The following DRICH1 variants were observed in gnomAD, a reference collection of about 807,000 sequenced individuals.
The protein encoded by DRICH1 is aspartate-rich protein 1.
In DRICH1, 38 loss-of-function variants were observed where a neutral mutation model predicts 39.5. The observed-to-expected ratio is 0.96, with a 90% CI of 0.74 to 1.26. The LOEUF (loss-of-function observed/expected upper bound fraction) is 1.26. Ranked by LOEUF, DRICH1 falls within the 50% of genes most tolerant of loss-of-function variation. The pLI, the probability that DRICH1 is intolerant of heterozygous loss-of-function variation, is 0.00. For missense variants in DRICH1, 279 were observed against 270.4 expected (o/e 1.03, Z -0.22); for synonymous variants, 84 against 99.5 (o/e 0.84, Z 0.93).
Position 23,632,076 on chromosome 22 carries a change from CTG to C in DRICH1, c.-55_-54del. On this transcript the variant is annotated 5_prime_UTR_variant, in exon 1 of 12. Coordinates refer to ENST00000317749, the MANE Select transcript of DRICH1 (RefSeq NM_016449.4). ...GCCTCAGCCTTCAGCGAAATTGTAACTGTGCTGCCCTAGCAGCCACACTACTG... is the reference window on the plus strand; with the variant it reads ...GCCTCAGCCTTCAGCGAAATTGTAACTGCTGCCCTAGCAGCCACACTACTG... The C allele has an allele frequency of 6.2e-7, 1 of 1,607,388 alleles. No individual in the cohort carries two copies. The highest frequency in any genetic ancestry group is 8.5e-7 in the Non-Finnish European group (1 of 1,177,234).
At chr22:23,601,146 G>GCGCACACACACA in the DRICH1 span, among the ~76,000 whole-genome samples, 1,109 of 146,192 alleles carry the variant, frequency 7.6e-3, 18 homozygotes, top group African/African-American at 0.026. Context: ...ACGCACGCGC[G>GCGCACACACACA]CACACACACA....
chr22:23,587,543 A>C, the DRICH1 span, among the ~76,000 whole-genome samples: 1 of 152,188 alleles, frequency 6.6e-6, no homozygotes, highest in Non-Finnish European at 1.5e-5. Context: ...CCTGGGGCAC[A>C]GAGAAGGGAG....
intron 1 of DRICH1, among the ~76,000 whole-genome samples, chr22:23,629,982 A>G (rs138277522): frequency 3.9e-5 from 6 of 152,216 alleles, no homozygotes; most frequent in Non-Finnish European, 8.8e-5. Context: ...TATCTTCCTG[A>G]TCCTTCCCTG....
chr22:23,610,299 A>G (rs1926964421), intron 11 of DRICH1: 2 of 152,236 alleles, frequency 1.3e-5, no homozygotes, highest in Admixed American at 6.5e-5. Context: ...GTGCTCTTTA[A>G]GAAACTGATA....
At chr22:23,622,022 G>A (rs1202415967) in intron 4 of DRICH1, 69 bp downstream of exon 4, 1 of 1,464,144 alleles carries the variant, frequency 6.8e-7, no homozygotes, top group African/African-American at 1.4e-5. Context: ...TTTGGGATTG[G>A]ACTGGTGAGT....
At chr22:23,592,654 G>A in the DRICH1 span, among the ~76,000 whole-genome samples, 1 of 152,116 alleles carries the variant, frequency 6.6e-6, no homozygotes, top group Non-Finnish European at 1.5e-5. Context: ...CTGATATTGG[G>A]CACCTCTGGG....
At chr22:23,582,750 G>A in the DRICH1 span, among the ~76,000 whole-genome samples, 6 of 151,878 alleles carry the variant, frequency 4.0e-5, no homozygotes, top group South Asian at 8.3e-4. Flanking sequence ...TAGTAGAGAC[G>A]GGGTTTCACC....
At chr22:23,586,681 T>C in the DRICH1 span, among the ~76,000 whole-genome samples, 17 of 152,238 alleles carry the variant, frequency 1.1e-4, no homozygotes, top group South Asian at 3.5e-3. Flanking sequence ...GTAGCTGGGA[T>C]TACAGGCACA....
At chr22:23,583,853 CT>C in the DRICH1 span, 1 of 152,488 alleles carries the variant, frequency 6.6e-6, no homozygotes, top group Non-Finnish European at 1.5e-5. Flanking sequence ...TGGGCTGAAG[CT>C]GCTCCCTCCC....
the DRICH1 span, among the ~76,000 whole-genome samples, chr22:23,592,924 C>T: frequency 4.6e-5 from 7 of 151,116 alleles, no homozygotes; most frequent in African/African-American, 1.2e-4. Context: ...CCCAGCTACT[C>T]GGGAGGCTGA....
chr22:23,589,844 G>A, the DRICH1 span, among the ~76,000 whole-genome samples: 1 of 152,082 alleles, frequency 6.6e-6, no homozygotes, highest in Non-Finnish European at 1.5e-5. Context: ...GGCCATTCAC[G>A]CTCCTGCCTG....
intron 4 of DRICH1, among the ~76,000 whole-genome samples, chr22:23,621,406 C>T (rs148507769): frequency 0.011 from 1,742 of 151,680 alleles, 45 homozygotes; most frequent in African/African-American, 0.04. Flanking sequence ...CAACAAAATG[C>T]AGTAAGACAA....
rs151175949 is a variant in DRICH1 at position 23,614,833 on chromosome 22, C to T, written c.542-619G>A. The stretch of plus-strand genomic sequence containing the variant: ...TTTGGACAGCAGCTCCTGTGTCACT[C>T]TCCCTGAGGAGATTCCCTAAAAATC... On this transcript the variant is annotated intron_variant, in intron 8 of 11. Transcript: ENST00000317749. Among the ~76,000 whole-genome samples, 698 of 152,326 alleles carry T rather than the reference C, an allele frequency of 4.6e-3. 5 individuals are homozygous for T. The highest frequency in any genetic ancestry group is 0.015 in the African/African-American group (613 of 41,576).
the DRICH1 span, chr22:23,583,512 C>T: frequency 6.6e-6 from 1 of 152,326 alleles, no homozygotes; most frequent in South Asian, 2.1e-4. Flanking sequence ...AAACAGAAGA[C>T]TTCACATTAT....
chr22:23,614,631 TTATTTAAAATCA>T (rs1927246821), intron 8 of DRICH1, among the ~76,000 whole-genome samples: 1 of 152,226 alleles, frequency 6.6e-6, no homozygotes, highest in African/African-American at 2.4e-5. Flanking sequence ...GATTTATTAC[TTATTTAAAATCA>T]TATTTTATTT....
chr22:23,606,587 T>TC (rs575676425), downstream of DRICH1, among the ~76,000 whole-genome samples: 34 of 152,310 alleles, frequency 2.2e-4, no homozygotes, highest in South Asian at 6.0e-3. Context: ...GGCGTGAGTC[T>TC]CCAACTCCTT....
chr22:23,626,078 C>G (rs1297919772), intron 1 of DRICH1, 30 bp from the exon 2 acceptor site: 9 of 1,555,416 alleles, frequency 5.8e-6, no homozygotes, highest in Admixed American at 1.7e-5. Flanking sequence ...ATGTCAGTGC[C>G]CTGGTGGTTG....
chr22:23,630,965 G>A (rs1419031132), intron 1 of DRICH1: 1 of 152,266 alleles, frequency 6.6e-6, no homozygotes, highest in African/African-American at 2.4e-5. Context: ...ACTGGGGCCT[G>A]TCAGGGGGCA....
the DRICH1 span, among the ~76,000 whole-genome samples, chr22:23,584,655 G>A: frequency 6.6e-6 from 1 of 152,182 alleles, no homozygotes; most frequent in Non-Finnish European, 1.5e-5. Flanking sequence ...TTACGGCCAG[G>A]GTGATGTTTA....
Sources: gnomAD v4.1 joint callset for allele counts (sites outside exome capture counted in the v4.1 genomes callset) on GRCh38, gnomAD v4.1.1 for gene constraint, MANE v1.5 for transcripts, NCBI Gene and HGNC (gene_info 2026-07-23, HGNC 2026-07-21) for gene names.